The following SLC10A7 variants were observed in gnomAD, a reference collection of about 807,000 sequenced individuals.
SLC10A7 encodes the protein solute carrier family 10 member 7.
In SLC10A7, 29 loss-of-function variants were observed where a neutral mutation model predicts 43.2. That is an observed-to-expected ratio of 0.67 (90% confidence interval 0.50 to 0.92). The LOEUF (loss-of-function observed/expected upper bound fraction) is 0.92. SLC10A7 is among the 40% of genes least tolerant of loss of function. The probability of loss-of-function intolerance (pLI) is 0.00; values close to 1 mark genes in which losing one functional copy is unlikely to be tolerated. For missense variants in SLC10A7, 295 were observed against 403.2 expected (o/e 0.73, Z 2.30); for synonymous variants, 152 against 144.8 (o/e 1.05, Z -0.35).
At position 146,468,070 on chromosome 4, in the gene SLC10A7, C is replaced by G. The variant is rs572230781; in HGVS notation, c.397-25249G>C. Reference sequence around the variant, plus strand: ...ACAGAGGACCCCAGACTTAGTTTACCTAGGTCTGAATGCAGCTCCATAGCT... The same window carrying G: ...ACAGAGGACCCCAGACTTAGTTTACGTAGGTCTGAATGCAGCTCCATAGCT... On this transcript the variant is annotated intron_variant, in intron 4 of 11. Transcript: ENST00000335472. Among the ~76,000 whole-genome samples the G allele has an allele frequency of 4.6e-5, 7 of 152,250 alleles. 1 individual carries two copies. The highest frequency in any genetic ancestry group is 2.6e-4 in the Admixed American group (4 of 15,290).
intron 5 of SLC10A7, among the ~76,000 whole-genome samples, chr4:146,330,964 T>A (rs1051773700): frequency 6.6e-6 from 1 of 152,140 alleles, no homozygotes; most frequent in Non-Finnish European, 1.5e-5. Flanking sequence ...TCCTTCCTGG[T>A]GATGGCCTTT....
At chr4:146,337,693 TG>T (rs1199144463) in intron 5 of SLC10A7, among the ~76,000 whole-genome samples, 1 of 151,696 alleles carries the variant, frequency 6.6e-6, no homozygotes. Flanking sequence ...ATTTTATAGG[TG>T]AGAATAGAAA....
chr4:146,319,303 G>A (rs1306727604), intron 6 of SLC10A7, among the ~76,000 whole-genome samples: 1 of 151,968 alleles, frequency 6.6e-6, no homozygotes, highest in East Asian at 1.9e-4. Flanking sequence ...TGCACTTAGT[G>A]TTCCTTCCAC....
chr4:146,508,261 A>G (rs1391914035), intron 3 of SLC10A7, among the ~76,000 whole-genome samples: 2 of 151,938 alleles, frequency 1.3e-5, no homozygotes, highest in Non-Finnish European at 2.9e-5. Flanking sequence ...ACTAGGAGGC[A>G]TACATATATA....
rs541167152 is a variant in SLC10A7 at position 146,347,777 on chromosome 4, C to T, written c.436-21781G>A. 1.7e-4 allele frequency among the ~76,000 whole-genome samples: 26 copies of T among 152,226 alleles called. No homozygotes were observed. The South Asian group carries it at 3.3e-3, about 19-fold the overall frequency. On this transcript the variant is annotated intron_variant, in intron 5 of 11. Transcript: ENST00000335472. ...AATTATGTATAGAAATGTACAGCTA[C>T]AGCAGTAGCCAGTGTCATGGGCCTG...
intron 4 of SLC10A7, among the ~76,000 whole-genome samples, chr4:146,468,466 T>C (rs562752742): frequency 7.8e-6 from 1 of 127,760 alleles, no homozygotes; most frequent in South Asian, 2.5e-4. Flanking sequence ...TTCTAACTTA[T>C]ATTTTAATTT....
chr4:146,259,434 G>A (rs1210815081), intron 10 of SLC10A7, among the ~76,000 whole-genome samples: 1 of 152,170 alleles, frequency 6.6e-6, no homozygotes, highest in East Asian at 1.9e-4. Flanking sequence ...ATTGGTCTAT[G>A]GAAGATGAAT....
At chr4:146,304,716 T>G (rs545238180) in intron 7 of SLC10A7, among the ~76,000 whole-genome samples, 7 of 152,182 alleles carry the variant, frequency 4.6e-5, no homozygotes, top group South Asian at 2.1e-4. Flanking sequence ...CTGAAAAAAA[T>G]GTATATTCTG....
intron 5 of SLC10A7, among the ~76,000 whole-genome samples, chr4:146,367,118 T>C (rs1343663037): frequency 6.6e-6 from 1 of 152,176 alleles, no homozygotes; most frequent in South Asian, 2.1e-4. Context: ...CTGTTAGATA[T>C]CATAACAGTA....
At chr4:146,392,043 G>A (rs1738469799) in intron 5 of SLC10A7, among the ~76,000 whole-genome samples, 1 of 152,178 alleles carries the variant, frequency 6.6e-6, no homozygotes, top group African/African-American at 2.4e-5. Flanking sequence ...AATCTTGTGG[G>A]AATTTTGTCA....
chr4:146,514,606 T>C (rs1038153568), intron 2 of SLC10A7: 3 of 152,276 alleles, frequency 2.0e-5, no homozygotes, highest in Non-Finnish European at 2.9e-5. Flanking sequence ...ATATAAGAAA[T>C]GTTCAATATA....
At chr4:146,257,036 G>A in intron 11 of SLC10A7, 1 of 816,496 alleles carries the variant, frequency 1.2e-6, no homozygotes, top group Non-Finnish European at 1.9e-6. Context: ...TTAAATGTTT[G>A]GAAGAAAAAT....
intron 2 of SLC10A7, 45 bp from the exon 3 acceptor site, chr4:146,510,094 T>C (rs761931940): frequency 6.4e-7 from 1 of 1,559,534 alleles, no homozygotes; most frequent in Admixed American, 2.0e-5. Flanking sequence ...AAGAAAACTA[T>C]TCCTGAAAGG....
intron 4 of SLC10A7, among the ~76,000 whole-genome samples, chr4:146,490,509 C>CA (rs1211280958): frequency 6.6e-6 from 1 of 152,108 alleles, no homozygotes; most frequent in African/African-American, 2.4e-5. Flanking sequence ...GGCTGTTTGT[C>CA]AGAGTTAAAT....
intron 3 of SLC10A7, among the ~76,000 whole-genome samples, chr4:146,504,603 A>G (rs1736732487): frequency 6.6e-6 from 1 of 152,150 alleles, no homozygotes; most frequent in Non-Finnish European, 1.5e-5. Context: ...TTTTAGGTAA[A>G]GTGAAAAATA....
intron 5 of SLC10A7, among the ~76,000 whole-genome samples, chr4:146,423,078 T>C (rs1729072460): frequency 6.6e-6 from 1 of 152,102 alleles, no homozygotes; most frequent in African/African-American, 2.4e-5. Context: ...GATGAATAAA[T>C]ATGTATAAAA....
intron 4 of SLC10A7, among the ~76,000 whole-genome samples, chr4:146,488,765 A>G (rs536199414): frequency 6.6e-6 from 1 of 152,342 alleles, no homozygotes; most frequent in South Asian, 2.1e-4. Flanking sequence ...AATAATTGAG[A>G]GAAGCAAAAA....
At chr4:146,505,510 C>T (rs4388106) in intron 3 of SLC10A7, among the ~76,000 whole-genome samples, 1 of 152,172 alleles carries the variant, frequency 6.6e-6, no homozygotes, top group South Asian at 2.1e-4. Context: ...GTTGGCACCT[C>T]TAAGCCTCAC....
chr4:146,413,219 A>T (rs1313318181), intron 5 of SLC10A7, among the ~76,000 whole-genome samples: 1 of 152,114 alleles, frequency 6.6e-6, no homozygotes, highest in Non-Finnish European at 1.5e-5. Context: ...GATACCTTTA[A>T]GATTCTAAGA....
Sources: allele counts gnomAD v4.1 joint callset (sites outside exome capture counted in the v4.1 genomes callset), GRCh38; gene constraint gnomAD v4.1.1; transcripts MANE v1.5; gene names NCBI Gene and HGNC (gene_info 2026-07-23, HGNC 2026-07-21).